The following CAMK2B variants were observed in gnomAD, a reference collection of about 807,000 sequenced individuals.
CAMK2B encodes the protein calcium/calmodulin-dependent protein kinase type II subunit beta.
In CAMK2B, 27 loss-of-function variants were observed where a neutral mutation model predicts 93.7. That is an observed-to-expected ratio of 0.29 (90% CI 0.21 to 0.40). CAMK2B has a LOEUF of 0.40. Ranked by LOEUF, CAMK2B falls within the 10% of genes least tolerant of loss-of-function variation. The pLI, the probability that CAMK2B is intolerant of heterozygous loss-of-function variation, is 1.00. For synonymous variants in CAMK2B, 374 were observed against 358.8 expected, an observed-to-expected ratio of 1.04 and a Z score of -0.48; for missense variants, 568 against 895.8, an observed-to-expected ratio of 0.63 and a Z score of 4.67.
chr7:44,221,055 C>A lies in CAMK2B; in HGVS notation c.1598-154G>T, dbSNP rs1046649553. 5.9e-5 allele frequency: 36 copies of A among 611,032 alleles called. No homozygotes were observed. In the East Asian group the frequency reaches 9.9e-4, roughly 17 times the overall value. The allele number at this position is 611,032 out of a possible 1,614,324, so 37.9% of individuals were successfully genotyped here. A position where few individuals can be genotyped will look rare whatever the true frequency, so the allele number is the denominator to read the frequency against. ...GAAGAGGTCCTCTCCGCCGCCCCCC[C>A]TGCATCACCAGTGGCTTCCTCATTT... On this transcript the variant is annotated intron_variant, in intron 20 of 23. Coordinates refer to ENST00000395749, the MANE Select transcript of CAMK2B (RefSeq NM_001220.5).
At chr7:44,282,709 C>T (rs912322659) in intron 2 of CAMK2B, among the ~76,000 whole-genome samples, 4 of 152,232 alleles carry the variant, frequency 2.6e-5, no homozygotes, top group South Asian at 4.1e-4. Context: ...CAAACAACGC[C>T]GACACATCGC....
At chr7:44,231,114 G>T in intron 16 of CAMK2B, 60 bp from the exon 17 acceptor site, 2 of 1,393,856 alleles carry the variant, frequency 1.4e-6, no homozygotes, top group Non-Finnish European at 2.0e-6. Context: ...GGACGTGGCT[G>T]AGGGCAGGTG....
chr7:44,246,042 G>A (rs1423855220), intron 6 of CAMK2B, among the ~76,000 whole-genome samples: 1 of 152,154 alleles, frequency 6.6e-6, no homozygotes, highest in Non-Finnish European at 1.5e-5. Flanking sequence ...GCCACCCTGT[G>A]CCCTGGGGGG....
intron 2 of CAMK2B, among the ~76,000 whole-genome samples, chr7:44,278,440 G>A (rs2097070704): frequency 6.6e-6 from 1 of 152,156 alleles, no homozygotes; most frequent in Non-Finnish European, 1.5e-5. Flanking sequence ...TCACCTGGAG[G>A]TGCGTGTCCC....
At chr7:44,257,691 G>T (rs2096846062) in intron 4 of CAMK2B, among the ~76,000 whole-genome samples, 1 of 152,260 alleles carries the variant, frequency 6.6e-6, no homozygotes, top group African/African-American at 2.4e-5. Flanking sequence ...TCACCTGGCT[G>T]GTGATTTGAG....
chr7:44,281,710 C>G (rs552439515), intron 2 of CAMK2B, among the ~76,000 whole-genome samples: 12 of 152,310 alleles, frequency 7.9e-5, no homozygotes, highest in Non-Finnish European at 1.2e-4. Flanking sequence ...GTCTCTGGAG[C>G]CTTACTGGAC....
At chr7:44,244,382 G>C (rs1408239373) in intron 6 of CAMK2B, among the ~76,000 whole-genome samples, 1 of 152,138 alleles carries the variant, frequency 6.6e-6, no homozygotes, top group Non-Finnish European at 1.5e-5. Flanking sequence ...TCCTGTCCCA[G>C]CTTTCAAACC....
rs79441729 is a variant in CAMK2B at position 44,227,821 on chromosome 7, G to A, written c.1468+975C>T. Among the ~76,000 whole-genome samples the A allele has an allele frequency of 3.9e-3, 401 of 102,434 alleles. 7 individuals are homozygous for A. The highest frequency in any genetic ancestry group is 0.016 in the African/African-American group (367 of 23,652). 67.2% of individuals were successfully genotyped at this position (102,434 alleles called of 152,430 possible). A position where few individuals can be genotyped will look rare whatever the true frequency, so the allele number is the denominator to read the frequency against. On this transcript the variant is annotated intron_variant, in intron 19 of 23. Coordinates refer to ENST00000395749, the MANE Select transcript of CAMK2B (RefSeq NM_001220.5). ...GGGGGACAGAGGGAGAATGTGAGGG[G>A]CAGAGCAGAGTTTGGGGAGGAAAAT...
Position 44,248,498 on chromosome 7 carries a change from T to A in CAMK2B, c.342-1306A>T, listed in dbSNP as rs997774597. Among the ~76,000 whole-genome samples, 1 of 152,180 alleles carries A rather than the reference T, an allele frequency of 6.6e-6. No individual in the cohort carries two copies. Among genetic ancestry groups the A allele is most frequent in the Non-Finnish European group, 1.5e-5 (1 of 68,028 alleles). ...GCTGCCCTGCTGGGCCTGGAGGCAT[T>A]TGCCACAGGCTGCCGATGCCCACCT... On this transcript the variant is annotated intron_variant, in intron 5 of 23. Transcript: ENST00000395749. The surrounding 1 kb of genome is among the most constrained non-coding windows in gnomAD (Gnocchi z 4.1).
In CAMK2B at chr7:44,229,472, C is replaced by G; in HGVS notation, c.1255G>C (p.Val419Leu). ...APRVPDILSS[V>L]RRGSGAPEAE... ...TCTGGGGCTCCCGAGCCCCTCCTCA[C>G]TGAGCTCAGGATGTCGGGGACCCTG... Residue 419 changes from valine (V) to leucine (L), a missense_variant, in exon 18 of 24, where the codon GTG becomes CTG. Val to Leu is a conservative substitution (Grantham distance 32, BLOSUM62 1). This residue lies in a region of CAMK2B where 308 missense variants were observed against 292.1 expected (regional missense o/e 1.05). Coordinates refer to ENST00000395749, the MANE Select transcript of CAMK2B (RefSeq NM_001220.5). 6.8e-7 allele frequency: 1 copy of G among 1,471,620 alleles called. No homozygotes were observed. The highest frequency in any genetic ancestry group is 9.0e-7 in the Non-Finnish European group (1 of 1,111,816). 91.2% of individuals were successfully genotyped at this position (1,471,620 alleles called of 1,614,324 possible).
chr7:44,221,053 C>G, intron 20 of CAMK2B, 152 bp from the exon 21 acceptor site: 5 of 610,334 alleles, frequency 8.2e-6, no homozygotes, highest in Middle Eastern at 4.3e-4. Flanking sequence ...CCGCCGCCCC[C>G]CCTGCATCAC....
chr7:44,266,684 G>A (rs988471924), intron 2 of CAMK2B, among the ~76,000 whole-genome samples: 1 of 152,176 alleles, frequency 6.6e-6, no homozygotes, highest in East Asian at 1.9e-4. Context: ...TGCCAACAGC[G>A]GCTCCCTACC....
intron 2 of CAMK2B, 103 bp downstream of exon 2, chr7:44,284,028 G>A: frequency 3.7e-6 from 3 of 807,212 alleles, no homozygotes; most frequent in Admixed American, 4.6e-5. Context: ...GCCAAGTGCT[G>A]GCCAAGACTG....
At chr7:44,315,443 T>G (rs1794630668) in intron 1 of CAMK2B, among the ~76,000 whole-genome samples, 1 of 152,222 alleles carries the variant, frequency 6.6e-6, no homozygotes, top group Admixed American at 6.5e-5. Context: ...GTATTTATCC[T>G]TATGTCAACA....
At chr7:44,306,594 G>A (rs889641681) in intron 1 of CAMK2B, among the ~76,000 whole-genome samples, 1 of 152,222 alleles carries the variant, frequency 6.6e-6, no homozygotes, top group Admixed American at 6.5e-5. Flanking sequence ...AGCCTCTAGG[G>A]TGGAGAGGTC....
intron 2 of CAMK2B, among the ~76,000 whole-genome samples, chr7:44,283,340 G>A (rs965484840): frequency 6.6e-5 from 10 of 151,914 alleles, no homozygotes; most frequent in African/African-American, 1.9e-4. Context: ...GGGAGACCCC[G>A]TGAGGGCAGG....
At chr7:44,239,535 G>C in intron 13 of CAMK2B, 54 bp downstream of exon 13, 1 of 1,467,448 alleles carries the variant, frequency 6.8e-7, no homozygotes, top group Non-Finnish European at 9.3e-7. Flanking sequence ...GGGGCTGCAT[G>C]CTGGCAGGAG....
chr7:44,267,378 G>A (rs1036431534), intron 2 of CAMK2B, among the ~76,000 whole-genome samples: 1 of 152,216 alleles, frequency 6.6e-6, no homozygotes, highest in Admixed American at 6.5e-5. Context: ...CTTCAGTGGG[G>A]TTTTAGAGGA....
rs570406832 is a variant in CAMK2B, at chr7:44,286,556, G to A, written c.66-2331C>T. ...GACTCAGACAGGTACCGGAGCAGAG[G>A]GCGGCAAGCCACAGCTGTTCCTCAG... On this transcript the variant is annotated intron_variant, in intron 1 of 23. Coordinates refer to ENST00000395749, the MANE Select transcript of CAMK2B (RefSeq NM_001220.5). The surrounding 1 kb of genome is among the most constrained non-coding windows in gnomAD (Gnocchi z 4.0). Among the ~76,000 whole-genome samples, 68 of 152,296 alleles carry A rather than the reference G, an allele frequency of 4.5e-4. No homozygotes were observed. Among genetic ancestry groups the A allele is most frequent in the Non-Finnish European group, 8.1e-4 (55 of 68,028 alleles).
Sources: allele counts gnomAD v4.1 joint callset (sites outside exome capture counted in the v4.1 genomes callset), GRCh38; gene constraint gnomAD v4.1.1; regional missense constraint gnomAD v4.1.1; non-coding constraint Gnocchi (gnomAD v3.1); transcripts MANE v1.5; gene names NCBI Gene and HGNC (gene_info 2026-07-23, HGNC 2026-07-21).